The following SEPHS1 variants were observed in gnomAD, a reference collection of about 807,000 sequenced individuals.
The protein encoded by SEPHS1 is zincore component SEPHS1.
Under a neutral mutation model 39.2 loss-of-function variants are expected in SEPHS1, and 7 were observed. The ratio of observed to expected loss-of-function variants is 0.18; its 90% CI spans 0.10 to 0.34. The LOEUF (loss-of-function observed/expected upper bound fraction) is 0.34. Ranked by LOEUF, SEPHS1 falls within the 10% of genes least tolerant of loss-of-function variation. The pLI, the probability that SEPHS1 is intolerant of heterozygous loss-of-function variation, is 1.00. For synonymous variants in SEPHS1, 190 were observed against 195.5 expected, an observed-to-expected ratio of 0.97 and a Z score of 0.23; for missense variants, 253 against 514.5, an observed-to-expected ratio of 0.49 and a Z score of 4.92.
chr10:13,342,087 G>A (rs1336207069), intron 2 of SEPHS1, among the ~76,000 whole-genome samples: 11 of 150,822 alleles, frequency 7.3e-5, no homozygotes, highest in African/African-American at 9.8e-5. Flanking sequence ...AGACCACTGT[G>A]AAACCCCGTC....
At chr10:13,327,438 A>G (rs17153117) in intron 7 of SEPHS1, among the ~76,000 whole-genome samples, 13,729 of 152,118 alleles carry the variant, frequency 0.09, 2,014 homozygotes, top group African/African-American at 0.31. Flanking sequence ...GGAAGAATAC[A>G]TAAAAATGCT....
rs1833017926 is a variant in SEPHS1, at chr10:13,318,806, C to T, written c.*336G>A. On this transcript the variant is annotated 3_prime_UTR_variant, in exon 9 of 9. Coordinates refer to ENST00000327347, the MANE Select transcript of SEPHS1 (RefSeq NM_012247.5). Reference sequence around the variant, plus strand: ...TGAAGACACCAACTGCTATTTGACACGACTACGGGTAATGCCTGTGCTATG... The same window carrying T: ...TGAAGACACCAACTGCTATTTGACATGACTACGGGTAATGCCTGTGCTATG... 2 of 239,580 alleles carry T rather than the reference C, an allele frequency of 8.3e-6. No homozygotes were observed. The highest frequency in any genetic ancestry group is 1.4e-4 in the South Asian group (2 of 14,410). 14.8% of individuals were successfully genotyped at this position (239,580 alleles called of 1,614,324 possible).
chr10:13,327,096 G>A (rs1225341334), intron 7 of SEPHS1, among the ~76,000 whole-genome samples: 1 of 151,802 alleles, frequency 6.6e-6, no homozygotes, highest in Non-Finnish European at 1.5e-5. Flanking sequence ...AAATCCGCCG[G>A]GCATGGTGAT....
intron 7 of SEPHS1, among the ~76,000 whole-genome samples, chr10:13,325,939 TCAGTCTCAAAAAAAAAAA>T (rs1833263043): frequency 1.2e-4 from 3 of 25,872 alleles, no homozygotes; most frequent in Admixed American, 5.2e-4. Flanking sequence ...AAAAAGAGAC[TCAGTCTCAAAAAAAAAAA>T]AAAAAAATAA....
At chr10:13,340,619 A>C (rs1833754147) in intron 2 of SEPHS1, 1 of 152,250 alleles carries the variant, frequency 6.6e-6, no homozygotes, top group East Asian at 1.9e-4. Context: ...ACTGAAAGAG[A>C]AACTAAAATT....
chr10:13,326,068 G>A (rs956289748), intron 7 of SEPHS1, among the ~76,000 whole-genome samples: 3 of 151,942 alleles, frequency 2.0e-5, no homozygotes, highest in African/African-American at 4.8e-5. Context: ...CTTCACGAAA[G>A]GTATAAGATC....
chr10:13,338,590 C>T (rs1453479299), intron 3 of SEPHS1, 115 bp downstream of exon 3: 22 of 771,638 alleles, frequency 2.9e-5, no homozygotes, highest in South Asian at 4.9e-5. Flanking sequence ...GCAGTATAGT[C>T]GGGATATAAC....
At position 13,344,786 on chromosome 10, in the gene SEPHS1, C is replaced by A; in HGVS notation, c.165G>T (p.Gln55His). 2.6e-6 allele frequency: 4 copies of A among 1,558,116 alleles called. No individual in the cohort carries two copies. The highest frequency in any genetic ancestry group is 1.2e-5 in the South Asian group (1 of 81,424). Residue 55 changes from glutamine to histidine, a missense_variant, in exon 2 of 9, where the codon CAG becomes CAT. Physicochemically the swap from Gln to His is conservative, Grantham distance 24. Around this residue, in one of 4 missense-constraint regions of SEPHS1, gnomAD observed 123 missense variants for 196.8 expected, o/e 0.62. Coordinates refer to ENST00000327347, the MANE Select transcript of SEPHS1 (RefSeq NM_012247.5). ...GCCTTGGCATAACGGCTCCCAGAAA[C>A]TGCTCATCTTCTTGGAAGTGGTTCT... ...LQENHFQEDE[Q>H]FLGAVMPRLG... is the part of the protein sequence containing the mutation.
At chr10:13,347,744 T>G in intron 1 of SEPHS1, among the ~76,000 whole-genome samples, 1 of 132,024 alleles carries the variant, frequency 7.6e-6, no homozygotes, top group African/African-American at 2.8e-5. Flanking sequence ...TCCCCTCCGC[T>G]CCTCCCCGCC....
At chr10:13,343,252 A>T (rs1833844209) in intron 2 of SEPHS1, among the ~76,000 whole-genome samples, 1 of 152,126 alleles carries the variant, frequency 6.6e-6, no homozygotes, top group South Asian at 2.1e-4. Flanking sequence ...CTTCCTCAGT[A>T]TATTCTCATT....
intron 5 of SEPHS1, among the ~76,000 whole-genome samples, chr10:13,331,861 T>C (rs758161689): frequency 4.6e-5 from 7 of 152,190 alleles, no homozygotes; most frequent in African/African-American, 7.2e-5. Context: ...TCACACCCAG[T>C]AGGCTGGCTA....
chr10:13,337,888 AC>A (rs1289959264), intron 3 of SEPHS1, among the ~76,000 whole-genome samples: 2 of 151,928 alleles, frequency 1.3e-5, no homozygotes, highest in African/African-American at 4.8e-5. Context: ...GAGGGTGAAC[AC>A]CCCCCACGTG....
intron 1 of SEPHS1, among the ~76,000 whole-genome samples, chr10:13,345,758 T>A (rs1833903726): frequency 1.3e-5 from 2 of 152,156 alleles, no homozygotes; most frequent in Non-Finnish European, 2.9e-5. Flanking sequence ...GCACCTGTAA[T>A]CCCAGCTACT....
intron 6 of SEPHS1, among the ~76,000 whole-genome samples, chr10:13,328,902 G>C (rs1041188891): frequency 1.3e-5 from 2 of 152,228 alleles, no homozygotes; most frequent in Non-Finnish European, 2.9e-5. Flanking sequence ...ATCACAGGGG[G>C]AGGAGGGAAA....
At chr10:13,321,880 T>A (rs545745443) in intron 8 of SEPHS1, among the ~76,000 whole-genome samples, 2 of 152,156 alleles carry the variant, frequency 1.3e-5, no homozygotes, top group South Asian at 4.2e-4. Context: ...GCCACCAAAT[T>A]AATCAGGAAA....
Position 13,343,620 on chromosome 10 carries a change from C to T in SEPHS1, c.193+1138G>A, listed in dbSNP as rs548956450. ...CCTGAGGTCAGGAGTTCGAGAACAGCCTGGCCAACATGGTAAAACTCCCAT... is the reference window on the plus strand; with the variant it reads ...CCTGAGGTCAGGAGTTCGAGAACAGTCTGGCCAACATGGTAAAACTCCCAT... On this transcript the variant is annotated intron_variant, in intron 2 of 8. Coordinates refer to ENST00000327347, the MANE Select transcript of SEPHS1 (RefSeq NM_012247.5). Among the ~76,000 whole-genome samples the T allele has an allele frequency of 7.9e-5, 12 of 152,124 alleles. No homozygotes were observed. The South Asian group carries it at 2.5e-3, about 32-fold the overall frequency.
Position 13,318,258 on chromosome 10 carries a change from A to C in SEPHS1, c.*884T>G, listed in dbSNP as rs890298321. On this transcript the variant is annotated 3_prime_UTR_variant, in exon 9 of 9. Transcript: ENST00000327347. ...GATTTTAAGAAAACAAAAGGCCTGA[A>C]ATCACTGTACAAAATAGAAAATGTA... 3.9e-5 allele frequency: 6 copies of C among 152,624 alleles called. No homozygotes were observed. The highest frequency in any genetic ancestry group is 1.4e-4 in the African/African-American group (6 of 41,462). The allele number at this position is 152,624 out of a possible 1,614,324, so 9.5% of individuals were successfully genotyped here.
chr10:13,331,448 C>T (rs1288876389), intron 5 of SEPHS1, among the ~76,000 whole-genome samples: 2 of 152,060 alleles, frequency 1.3e-5, no homozygotes, highest in Non-Finnish European at 2.9e-5. Context: ...TACAGTGGCA[C>T]GATCTTGGCT....
chr10:13,343,284 C>G (rs1208651977), intron 2 of SEPHS1, among the ~76,000 whole-genome samples: 2 of 152,136 alleles, frequency 1.3e-5, no homozygotes, highest in Non-Finnish European at 2.9e-5. Flanking sequence ...AAGCCAACAT[C>G]AAACCCAGCT....
Sources: allele counts gnomAD v4.1 joint callset (sites outside exome capture counted in the v4.1 genomes callset), GRCh38; gene constraint gnomAD v4.1.1; regional missense constraint gnomAD v4.1.1; transcripts MANE v1.5; gene names NCBI Gene and HGNC (gene_info 2026-07-23, HGNC 2026-07-21).